PCDH15: variants seen among roughly 807,000 people sequenced by gnomAD.
The protein encoded by PCDH15 is protocadherin-15.
A neutral mutation model predicts 178.5 loss-of-function variants in PCDH15; 129 were observed. The observed-to-expected ratio is 0.72, with a 90% CI of 0.63 to 0.84. The LOEUF is 0.84. Ranked by LOEUF, PCDH15 falls within the 40% of genes least tolerant of loss-of-function variation. The pLI is 0.00. For synonymous variants in PCDH15, 800 were observed against 732.0 expected (o/e 1.09, Z -1.50); for missense variants, 2,230 against 2,099.9 (o/e 1.06, Z -1.21).
At chr10:54,530,317 C>T (rs1275964528) in intron 2 of PCDH15, among the ~76,000 whole-genome samples, 1 of 152,148 alleles carries the variant, frequency 6.6e-6, no homozygotes, top group East Asian at 1.9e-4. Context: ...AATCTGCCTA[C>T]GCATCACCTC....
chr10:55,598,418 CCTT>C (rs1392770030), intron 2 of PCDH15, among the ~76,000 whole-genome samples: 1 of 150,122 alleles, frequency 6.7e-6, no homozygotes, highest in African/African-American at 2.4e-5. Context: ...TGCTTTATAG[CCTT>C]CTAGAGGAGC....
chr10:55,449,449 T>C (rs936117596), intron 2 of PCDH15, among the ~76,000 whole-genome samples: 2 of 152,048 alleles, frequency 1.3e-5, no homozygotes, highest in Non-Finnish European at 2.9e-5. Flanking sequence ...ATGCAGTGTC[T>C]ATCCATATGT....
At chr10:54,104,827 ACT>A (rs368229023) in intron 15 of PCDH15, among the ~76,000 whole-genome samples, 31 of 126,286 alleles carry the variant, frequency 2.5e-4, no homozygotes, top group African/African-American at 9.2e-4. Context: ...AGAGAGTGAG[ACT>A]CTGCCTCAAC....
chr10:54,597,840 G>A (rs1436386621), intron 2 of PCDH15, among the ~76,000 whole-genome samples: 5 of 152,116 alleles, frequency 3.3e-5, no homozygotes, highest in Non-Finnish European at 7.4e-5. Flanking sequence ...ATAACCATCA[G>A]AGACTACTAT....
At chr10:55,009,779 A>G (rs1401184343) in intron 2 of PCDH15, among the ~76,000 whole-genome samples, 1 of 152,144 alleles carries the variant, frequency 6.6e-6, no homozygotes, top group Admixed American at 6.6e-5. Flanking sequence ...ATTAACAACC[A>G]AAGTTTCTCA....
At chr10:55,341,783 ATATATATATATATATATATATATT>A (rs1426312326) in intron 2 of PCDH15, among the ~76,000 whole-genome samples, 1 of 13,464 alleles carries the variant, frequency 7.4e-5, no homozygotes, top group Non-Finnish European at 2.0e-4. Flanking sequence ...ATATATATAT[ATATATATATATATATATATATATT>A]TTTTTTTTTT....
chr10:54,958,801 A>C (rs1838563156), intron 2 of PCDH15, among the ~76,000 whole-genome samples: 1 of 151,896 alleles, frequency 6.6e-6, no homozygotes, highest in African/African-American at 2.4e-5. Context: ...AATGACCAGA[A>C]TACTTAAAGC....
chr10:54,417,597 T>A (rs1043344953), intron 3 of PCDH15, among the ~76,000 whole-genome samples: 4 of 152,162 alleles, frequency 2.6e-5, no homozygotes, highest in African/African-American at 9.7e-5. Context: ...ATGCTTGATG[T>A]AATAAAATTA....
At chr10:55,515,479 T>A (rs568717136) in intron 2 of PCDH15, among the ~76,000 whole-genome samples, 4 of 152,102 alleles carry the variant, frequency 2.6e-5, no homozygotes, top group Non-Finnish European at 5.9e-5. Context: ...AGGTAGATTT[T>A]TTCCCACTAT....
intron 13 of PCDH15, among the ~76,000 whole-genome samples, chr10:54,158,981 A>C (rs1026211462): frequency 2.0e-5 from 3 of 151,932 alleles, no homozygotes; most frequent in African/African-American, 7.2e-5. Flanking sequence ...GGTGGCGAGC[A>C]CATGTAGTCC....
chr10:54,563,093 A>G (rs2088448018), intron 2 of PCDH15, among the ~76,000 whole-genome samples: 1 of 152,192 alleles, frequency 6.6e-6, no homozygotes, highest in South Asian at 2.1e-4. Context: ...AAACTTATAA[A>G]TGATAAAGGA....
At chr10:54,237,083 T>A in intron 8 of PCDH15, 152 bp from the exon 9 acceptor site, 1 of 735,270 alleles carries the variant, frequency 1.4e-6, no homozygotes, top group Non-Finnish European at 2.4e-6. Flanking sequence ...TACTAGTTAA[T>A]TTTGAATGTT....
At chr10:55,273,318 G>GC (rs1477135608) in intron 1 of PCDH15, among the ~76,000 whole-genome samples, 2 of 152,050 alleles carry the variant, frequency 1.3e-5, no homozygotes, top group African/African-American at 4.8e-5. Context: ...ATCTTACTAT[G>GC]CCTGCTCTAA....
chr10:55,221,528 T>C (rs921472941), intron 1 of PCDH15, among the ~76,000 whole-genome samples: 1 of 152,124 alleles, frequency 6.6e-6, no homozygotes, highest in Non-Finnish European at 1.5e-5. Context: ...TCGCTACCTG[T>C]TCATGTTTGT....
At chr10:54,041,157 T>C (rs1214928266) in intron 18 of PCDH15, among the ~76,000 whole-genome samples, 1 of 152,134 alleles carries the variant, frequency 6.6e-6, no homozygotes, top group Non-Finnish European at 1.5e-5. Context: ...AGATAGCATG[T>C]GGCAAGTTCT....
chr10:54,141,328 T>A (rs1026090847), intron 14 of PCDH15, among the ~76,000 whole-genome samples: 3 of 152,222 alleles, frequency 2.0e-5, no homozygotes, highest in African/African-American at 7.2e-5. Context: ...CTGAGTATAT[T>A]GATAGCTATG....
intron 2 of PCDH15, among the ~76,000 whole-genome samples, chr10:54,629,061 C>A (rs941745708): frequency 3.3e-5 from 5 of 151,950 alleles, no homozygotes; most frequent in South Asian, 4.1e-4. Context: ...GTTGAATTCT[C>A]AAAATTGCTA....
chr10:54,472,489 T>C (rs144869319), intron 3 of PCDH15, among the ~76,000 whole-genome samples: 67 of 152,326 alleles, frequency 4.4e-4, no homozygotes, highest in African/African-American at 1.5e-3. Context: ...AGCCACTGTA[T>C]GTGTGTTTTT....
At chr10:54,607,016 A>T (rs2134176218) in intron 2 of PCDH15, 1 of 152,244 alleles carries the variant, frequency 6.6e-6, no homozygotes, top group South Asian at 2.1e-4. Context: ...ATAAAAATAT[A>T]GTGAATTTTT....
Sources: allele counts gnomAD v4.1 joint callset (sites outside exome capture counted in the v4.1 genomes callset), GRCh38; gene constraint gnomAD v4.1.1; transcripts MANE v1.5; gene names NCBI Gene and HGNC (gene_info 2026-07-23, HGNC 2026-07-21).